The following HDAC8 variants were observed in gnomAD, a reference collection of about 807,000 sequenced individuals.
HDAC8 encodes the protein histone deacetylase-like 1.
HDAC8 carries 1 observed loss-of-function variant against 32.2 expected under a neutral mutation model. The ratio of observed to expected loss-of-function variants is 0.03; its 90% CI spans 0.01 to 0.15. The LOEUF is 0.15. Ranked by LOEUF, HDAC8 falls within the 10% of genes least tolerant of loss-of-function variation. The pLI is 1.00. For synonymous variants in HDAC8, 108 were observed against 113.9 expected (o/e 0.95, Z 0.33); for missense variants, 117 against 300.0 (o/e 0.39, Z 4.51).
chrX:72,531,708 T>C (rs1362271448), intron 4 of HDAC8, among the ~76,000 whole-genome samples: 2 of 112,067 alleles, frequency 1.8e-5, no homozygotes, highest in Non-Finnish European at 1.9e-5. Context: ...TTCATACAAA[T>C]GGAATATACA....
intron 9 of HDAC8, among the ~76,000 whole-genome samples, chrX:72,386,241 A>G (rs2045422389): frequency 1.8e-5 from 2 of 112,199 alleles, no homozygotes; most frequent in African/African-American, 6.5e-5. Flanking sequence ...TGAAAAAAGC[A>G]GATTGCAAAA....
chrX:72,508,771 C>A (rs1209739990), intron 4 of HDAC8, among the ~76,000 whole-genome samples: 1 of 112,158 alleles, frequency 8.9e-6, no homozygotes, highest in Non-Finnish European at 1.9e-5. Context: ...AGAGTCCTCA[C>A]GAGAAAAAAG....
Position 72,571,553 on chromosome X carries a change from C to CTTTTT in HDAC8, c.164+499_164+503dup, listed in dbSNP as rs782331910. ...TTCTTTTCTTTTTCTTTCTTTCTTT[C>CTTTTT]TTTTTTTTTTTTTTTTTTTTTTTTT... is the stretch of plus-strand genomic sequence containing the variant. On this transcript the variant is annotated intron_variant, in intron 2 of 10. Coordinates refer to ENST00000373573, the MANE Select transcript of HDAC8 (RefSeq NM_018486.3). Among the ~76,000 whole-genome samples the CTTTTT allele has an allele frequency of 2.9e-3, 88 of 30,442 alleles. 1 individual carries two copies. Among genetic ancestry groups the CTTTTT allele is most frequent in the South Asian group, 8.5e-3 (2 of 234 alleles). 26.4% of individuals were successfully genotyped at this position (30,442 alleles called of 115,157 possible).
intron 9 of HDAC8, among the ~76,000 whole-genome samples, chrX:72,360,703 C>T (rs1370578296): frequency 8.9e-6 from 1 of 112,085 alleles, no homozygotes; most frequent in Non-Finnish European, 1.9e-5. Context: ...TCAATCTTTC[C>T]TATATCACCA....
rs187417222 is a variant in HDAC8, at chrX:72,363,683, T to G, written c.1006-11845A>C. On this transcript the variant is annotated intron_variant, in intron 9 of 10. Transcript: ENST00000373573. ...GCCTCCCAGGTTCAAGCGATTCTCC[T>G]GCCTCAGCCTCCCGAGTAGCTGGGA... Among the ~76,000 whole-genome samples, 143 of 111,351 alleles carry G rather than the reference T, an allele frequency of 1.3e-3. 1 individual carries two copies. Among genetic ancestry groups the G allele is most frequent in the Non-Finnish European group, 1.8e-3 (96 of 53,012 alleles).
chrX:72,415,086 T>C (rs1476834119), intron 9 of HDAC8, among the ~76,000 whole-genome samples: 2 of 112,597 alleles, frequency 1.8e-5, no homozygotes, highest in African/African-American at 6.5e-5. Flanking sequence ...CTTTCAAATC[T>C]ATAGAAAAGC....
intron 9 of HDAC8, among the ~76,000 whole-genome samples, chrX:72,407,502 T>G (rs1602713351): frequency 8.9e-6 from 1 of 112,019 alleles, no homozygotes; most frequent in Non-Finnish European, 1.9e-5. Flanking sequence ...TAATCTTTCA[T>G]GGCCATGTGA....
intron 9 of HDAC8, among the ~76,000 whole-genome samples, chrX:72,391,903 C>T (rs2045622588): frequency 8.9e-6 from 1 of 111,778 alleles, no homozygotes; most frequent in Admixed American, 9.5e-5. Context: ...CTTTCTCACA[C>T]TTTACCCTGA....
chrX:72,383,689 T>C (rs1220998677), intron 9 of HDAC8, among the ~76,000 whole-genome samples: 2 of 109,430 alleles, frequency 1.8e-5, no homozygotes, highest in African/African-American at 6.7e-5. Context: ...GCTAACACAG[T>C]GAAACCCCGT....
intron 7 of HDAC8, among the ~76,000 whole-genome samples, chrX:72,469,085 A>G (rs1431784336): frequency 9.1e-6 from 1 of 109,974 alleles, no homozygotes; most frequent in Non-Finnish European, 1.9e-5. Context: ...TCCATCTACA[A>G]TTTTCTATCT....
At chrX:72,485,070 G>T (rs1183883186) in intron 7 of HDAC8, among the ~76,000 whole-genome samples, 1 of 111,257 alleles carries the variant, frequency 9.0e-6, no homozygotes, top group Non-Finnish European at 1.9e-5. Context: ...CCCGGGGATG[G>T]GGTGGTGGTG....
At chrX:72,558,502 A>C (rs782000013) in intron 4 of HDAC8, among the ~76,000 whole-genome samples, 1 of 112,355 alleles carries the variant, frequency 8.9e-6, no homozygotes, top group East Asian at 2.8e-4. Flanking sequence ...TCATCTCAAT[A>C]GATGCAGAAA....
chrX:72,442,578 A>G (rs782116165), intron 9 of HDAC8, among the ~76,000 whole-genome samples: 1 of 112,081 alleles, frequency 8.9e-6, no homozygotes, highest in South Asian at 3.7e-4. Flanking sequence ...CTACTGCGAA[A>G]TCATGCCAAA....
At chrX:72,454,745 A>T (rs1404731347) in intron 9 of HDAC8, among the ~76,000 whole-genome samples, 1 of 112,634 alleles carries the variant, frequency 8.9e-6, no homozygotes, top group Non-Finnish European at 1.9e-5. Flanking sequence ...GCAGCATGTT[A>T]TAGGTAAGTT....
intron 4 of HDAC8, among the ~76,000 whole-genome samples, chrX:72,566,450 C>T (rs1398756075): frequency 8.9e-6 from 1 of 112,557 alleles, no homozygotes; most frequent in Middle Eastern, 4.2e-3. Context: ...TGCTGTGTTG[C>T]CCAACTAGTA....
At chrX:72,361,547 G>A (rs1321169269) in intron 9 of HDAC8, among the ~76,000 whole-genome samples, 1 of 110,552 alleles carries the variant, frequency 9.0e-6, no homozygotes, top group Non-Finnish European at 1.9e-5. Context: ...GTACTTAGAG[G>A]CTTTCATGAA....
At chrX:72,555,965 A>G (rs1603229459) in intron 4 of HDAC8, among the ~76,000 whole-genome samples, 1 of 112,415 alleles carries the variant, frequency 8.9e-6, no homozygotes, top group East Asian at 2.8e-4. Flanking sequence ...AGTTACCTAA[A>G]GTCAAGACGA....
intron 9 of HDAC8, among the ~76,000 whole-genome samples, chrX:72,431,183 C>G (rs968935572): frequency 4.5e-5 from 5 of 111,414 alleles, no homozygotes; most frequent in Non-Finnish European, 9.4e-5. Context: ...TTTTGCCCCA[C>G]CTACCTGGAA....
At chrX:72,405,554 T>C (rs2046015354) in intron 9 of HDAC8, among the ~76,000 whole-genome samples, 1 of 112,630 alleles carries the variant, frequency 8.9e-6, no homozygotes, top group Admixed American at 9.4e-5. Flanking sequence ...TCTACCACAA[T>C]GGTTGAACTA....
Sources: gnomAD v4.1 joint callset for allele counts (sites outside exome capture counted in the v4.1 genomes callset) on GRCh38, gnomAD v4.1.1 for gene constraint, MANE v1.5 for transcripts, NCBI Gene and HGNC (gene_info 2026-07-23, HGNC 2026-07-21) for gene names.